TMEM132D: variants seen among roughly 807,000 people sequenced by gnomAD.
TMEM132D encodes mature OL transmembrane protein.
TMEM132D carries 21 observed loss-of-function variants against 62.3 expected under a neutral mutation model. The observed-to-expected ratio is 0.34, with a 90% CI of 0.24 to 0.49. TMEM132D has a LOEUF of 0.49. Ranked by LOEUF, TMEM132D falls within the 20% of genes least tolerant of loss-of-function variation. The pLI, the probability that TMEM132D is intolerant of heterozygous loss-of-function variation, is 0.99. For synonymous variants in TMEM132D, 621 were observed against 575.6 expected (o/e 1.08, Z -1.13); for missense variants, 1,346 against 1,402.8 (o/e 0.96, Z 0.65).
intron 3 of TMEM132D, among the ~76,000 whole-genome samples, chr12:129,528,978 C>T (rs1314781545): frequency 1.3e-5 from 2 of 152,170 alleles, no homozygotes; most frequent in East Asian, 1.9e-4. Context: ...ATTTGCATAC[C>T]TATATCACAT....
chr12:129,686,917 T>G (rs372548418), intron 2 of TMEM132D, among the ~76,000 whole-genome samples: 1 of 152,232 alleles, frequency 6.6e-6, no homozygotes, highest in African/African-American at 2.4e-5. Flanking sequence ...ATGAAATGTT[T>G]CTACACGCTT....
intron 1 of TMEM132D, among the ~76,000 whole-genome samples, chr12:129,890,001 T>C (rs1830256269): frequency 6.6e-6 from 1 of 152,244 alleles, no homozygotes; most frequent in African/African-American, 2.4e-5. Flanking sequence ...ATGTACGAGA[T>C]ATTCTAACGT....
At chr12:129,349,594 G>A (rs185518214) in intron 3 of TMEM132D, among the ~76,000 whole-genome samples, 6 of 152,200 alleles carry the variant, frequency 3.9e-5, no homozygotes, top group East Asian at 1.9e-4. Flanking sequence ...ACTATGTGTC[G>A]GGAATAATCC....
At chr12:129,230,310 G>GGGA (rs1020549051) in intron 4 of TMEM132D, among the ~76,000 whole-genome samples, 2 of 149,676 alleles carry the variant, frequency 1.3e-5, no homozygotes, top group Admixed American at 6.6e-5. Flanking sequence ...GTGTTGGAGG[G>GGGA]GGGGGGCTCC....
intron 3 of TMEM132D, among the ~76,000 whole-genome samples, chr12:129,379,483 C>T (rs946760663): frequency 2.6e-5 from 4 of 152,200 alleles, no homozygotes; most frequent in Middle Eastern, 3.2e-3. Context: ...TTACCTGACA[C>T]GTCTGTAGTG....
chr12:129,425,211 G>A (rs1233817678), intron 3 of TMEM132D, among the ~76,000 whole-genome samples: 5 of 152,172 alleles, frequency 3.3e-5, no homozygotes, highest in African/African-American at 9.7e-5. Context: ...TGCTAAGGAC[G>A]TTCATGCGCA....
intron 1 of TMEM132D, among the ~76,000 whole-genome samples, chr12:129,707,372 T>C (rs1593128603): frequency 6.6e-6 from 1 of 151,692 alleles, no homozygotes; most frequent in Middle Eastern, 3.4e-3. Flanking sequence ...CATACAAAAA[T>C]TTCCATAAAA....
intron 3 of TMEM132D, among the ~76,000 whole-genome samples, chr12:129,466,243 C>T (rs1260142053): frequency 1.4e-5 from 2 of 147,442 alleles, no homozygotes; most frequent in Non-Finnish European, 1.5e-5. Flanking sequence ...TGGTGTTACA[C>T]GGAGAACTGG....
chr12:129,843,653 A>G (rs1474126413), intron 1 of TMEM132D, among the ~76,000 whole-genome samples: 3 of 152,362 alleles, frequency 2.0e-5, no homozygotes, highest in African/African-American at 7.2e-5. Context: ...ACAGTATTAG[A>G]GTCTATAATA....
intron 2 of TMEM132D, among the ~76,000 whole-genome samples, chr12:129,682,432 C>T (rs142420237): frequency 1.0e-3 from 152 of 152,288 alleles, no homozygotes; most frequent in African/African-American, 3.4e-3. Flanking sequence ...AACTCTGTGA[C>T]TCTGGGCTCT....
chr12:129,507,470 T>C (rs1183453692), intron 3 of TMEM132D, among the ~76,000 whole-genome samples: 2 of 152,146 alleles, frequency 1.3e-5, no homozygotes, highest in Non-Finnish European at 2.9e-5. Flanking sequence ...CAAATGATCA[T>C]CAATCAACGA....
At chr12:129,648,323 C>T (rs1004378227) in intron 2 of TMEM132D, among the ~76,000 whole-genome samples, 4 of 152,128 alleles carry the variant, frequency 2.6e-5, no homozygotes, top group South Asian at 4.2e-4. Context: ...ATGATTTCAT[C>T]CCGACGTAAC....
chr12:129,289,796 G>T (rs1881402000), intron 4 of TMEM132D, among the ~76,000 whole-genome samples: 1 of 152,084 alleles, frequency 6.6e-6, no homozygotes, highest in African/African-American at 2.4e-5. Context: ...AGGATGACTT[G>T]AGCCCAGAAG....
chr12:129,088,070 T>C (rs1213555279), intron 5 of TMEM132D, among the ~76,000 whole-genome samples: 7 of 34,214 alleles, frequency 2.0e-4, no homozygotes, highest in Admixed American at 7.1e-4. Flanking sequence ...ATGACCGGGG[T>C]GTCCTCCCTG....
chr12:129,095,865 G>A (rs1056410415), intron 5 of TMEM132D, among the ~76,000 whole-genome samples: 1 of 151,910 alleles, frequency 6.6e-6, no homozygotes, highest in African/African-American at 2.4e-5. Context: ...CCTGCTCCTT[G>A]GTATTTTTTT....
intron 1 of TMEM132D, among the ~76,000 whole-genome samples, chr12:129,715,351 C>T (rs1868532685): frequency 6.6e-6 from 1 of 152,116 alleles, no homozygotes; most frequent in Admixed American, 6.5e-5. Context: ...AACTCAGGAT[C>T]AGGAAAAAGG....
intron 4 of TMEM132D, among the ~76,000 whole-genome samples, chr12:129,267,803 T>C (rs1880736500): frequency 6.6e-6 from 1 of 151,978 alleles, no homozygotes; most frequent in African/African-American, 2.4e-5. Flanking sequence ...GCTACAGTAA[T>C]CAAAACAGCA....
intron 3 of TMEM132D, among the ~76,000 whole-genome samples, chr12:129,367,975 G>A (rs554491260): frequency 7.2e-5 from 11 of 151,954 alleles, no homozygotes; most frequent in African/African-American, 2.2e-4. Flanking sequence ...TAGTAGAGAT[G>A]GGGTTTAGTA....
intron 5 of TMEM132D, among the ~76,000 whole-genome samples, chr12:129,109,173 G>T (rs918184381): frequency 6.6e-6 from 1 of 152,188 alleles, no homozygotes; most frequent in Admixed American, 6.5e-5. Context: ...GAGCTTCTGC[G>T]GGAGGAAGAG....
Sources: gnomAD v4.1 joint callset for allele counts (sites outside exome capture counted in the v4.1 genomes callset) on GRCh38, gnomAD v4.1.1 for gene constraint, MANE v1.5 for transcripts, NCBI Gene and HGNC (gene_info 2026-07-23, HGNC 2026-07-21) for gene names.